Variants in RAD51B observed in about 807,000 individuals in gnomAD.
RAD51B encodes the protein DNA repair protein RAD51 homolog 2.
Under a neutral mutation model 42.2 loss-of-function variants are expected in RAD51B, and 38 were observed. The ratio of observed to expected loss-of-function variants is 0.90; its 90% CI spans 0.70 to 1.18. The LOEUF (loss-of-function observed/expected upper bound fraction) is 1.18. RAD51B is among the 50% of genes most tolerant of loss of function. RAD51B has a pLI of 0.00. For synonymous variants in RAD51B, 154 were observed against 145.2 expected, an observed-to-expected ratio of 1.06 and a Z score of -0.43; for missense variants, 373 against 400.7, an observed-to-expected ratio of 0.93 and a Z score of 0.59.
At chr14:68,322,850 C>G (rs1228860577) in intron 8 of RAD51B, among the ~76,000 whole-genome samples, 1 of 152,150 alleles carries the variant, frequency 6.6e-6, no homozygotes, top group Non-Finnish European at 1.5e-5. Flanking sequence ...GGAGGGCTGC[C>G]TACAAGCAGA....
In RAD51B at chr14:68,004,441, T is replaced by C. The variant is rs146502787; in HGVS notation, c.756+117237T>C. Among the ~76,000 whole-genome samples, 1,051 of 152,126 alleles carry C rather than the reference T, an allele frequency of 6.9e-3. 12 individuals are homozygous for C. The highest frequency in any genetic ancestry group is 0.024 in the African/African-American group (986 of 41,520). On this transcript the variant is annotated intron_variant, in intron 7 of 10. Transcript: ENST00000471583. ...TGTAGTACCGATTTTTCTTTCTAGATTATAGAAGAAGCTCAGCAGCTTTCT... is the reference window on the plus strand; with the variant it reads ...TGTAGTACCGATTTTTCTTTCTAGACTATAGAAGAAGCTCAGCAGCTTTCT...
chr14:68,354,481 G>A (rs1212375754), intron 8 of RAD51B, among the ~76,000 whole-genome samples: 1 of 151,930 alleles, frequency 6.6e-6, no homozygotes, highest in Non-Finnish European at 1.5e-5. Flanking sequence ...CCAAAGTGTT[G>A]GGATTACAGG....
intron 7 of RAD51B, among the ~76,000 whole-genome samples, chr14:68,139,395 G>A (rs1384117717): frequency 6.6e-6 from 1 of 152,110 alleles, no homozygotes; most frequent in Non-Finnish European, 1.5e-5. Context: ...CTCTTAAGAG[G>A]ACAGTTCTTT....
At chr14:68,086,994 G>A (rs1259760210) in intron 7 of RAD51B, among the ~76,000 whole-genome samples, 1 of 152,020 alleles carries the variant, frequency 6.6e-6, no homozygotes, top group African/African-American at 2.4e-5. Context: ...AATTAGCTGG[G>A]TGTGGTGGTG....
At chr14:68,612,829 G>T (rs137946784), downstream of RAD51B, among the ~76,000 whole-genome samples, 133 of 151,066 alleles carry the variant, frequency 8.8e-4, no homozygotes, top group African/African-American at 3.1e-3. Flanking sequence ...AAGGAAGGAA[G>T]GGAGGGAAGG....
chr14:67,954,667 ACTC>A (rs1278798289), intron 7 of RAD51B, among the ~76,000 whole-genome samples: 1 of 152,130 alleles, frequency 6.6e-6, no homozygotes, highest in Non-Finnish European at 1.5e-5. Flanking sequence ...AACACAGACT[ACTC>A]TTTCAAGGAT....
intron 10 of RAD51B, among the ~76,000 whole-genome samples, chr14:68,471,451 A>G (rs2086122761): frequency 6.6e-6 from 1 of 152,090 alleles, no homozygotes; most frequent in South Asian, 2.1e-4. Flanking sequence ...TCGATTTACC[A>G]GCTCCACAGG....
chr14:68,255,073 A>G (rs1325573709), intron 7 of RAD51B, among the ~76,000 whole-genome samples: 1 of 151,302 alleles, frequency 6.6e-6, no homozygotes, highest in Non-Finnish European at 1.5e-5. Context: ...TTTCTTTCAC[A>G]TGCTCCCTTT....
At chr14:68,343,289 C>T (rs918178897) in intron 8 of RAD51B, among the ~76,000 whole-genome samples, 2 of 152,146 alleles carry the variant, frequency 1.3e-5, no homozygotes, top group African/African-American at 4.8e-5. Flanking sequence ...TTCTCTCAAT[C>T]CAAAGGTTGT....
intron 7 of RAD51B, among the ~76,000 whole-genome samples, chr14:68,162,512 G>T (rs533942140): frequency 2.6e-5 from 4 of 152,306 alleles, no homozygotes; most frequent in Non-Finnish European, 4.4e-5. Context: ...GCTGCCGGGC[G>T]TAGTGGCTCA....
At chr14:67,821,742 G>A (rs8003646) in intron 1 of RAD51B, among the ~76,000 whole-genome samples, 2,386 of 152,170 alleles carry the variant, frequency 0.016, 49 homozygotes, top group African/African-American at 0.026. Flanking sequence ...GATTGTAGGC[G>A]TGAGCTACCT....
At chr14:68,326,027 C>CTTTTTTTTTTTTTTT (rs1156621815) in intron 8 of RAD51B, among the ~76,000 whole-genome samples, 1 of 51,636 alleles carries the variant, frequency 1.9e-5, no homozygotes. Context: ...TGTTGTTATT[C>CTTTTTTTTTTTTTTT]TTTTTCTTTT....
chr14:68,677,059 G>A (rs1893321318), intron 11 of RAD51B, among the ~76,000 whole-genome samples: 1 of 152,238 alleles, frequency 6.6e-6, no homozygotes, highest in African/African-American at 2.4e-5. Context: ...CCCTGTCATA[G>A]ATGAGGAAAC....
At chr14:68,503,014 C>A (rs1048158912) in intron 10 of RAD51B, among the ~76,000 whole-genome samples, 1 of 152,226 alleles carries the variant, frequency 6.6e-6, no homozygotes, top group African/African-American at 2.4e-5. Context: ...ACAGCCTCAG[C>A]CTACCCTGCC....
At chr14:68,055,859 T>C (rs1285300659) in intron 7 of RAD51B, among the ~76,000 whole-genome samples, 1 of 152,196 alleles carries the variant, frequency 6.6e-6, no homozygotes, top group East Asian at 1.9e-4. Flanking sequence ...AACGTGAGTT[T>C]TATATTCCAT....
intron 7 of RAD51B, among the ~76,000 whole-genome samples, chr14:68,120,667 G>A (rs781742570): frequency 2.0e-5 from 3 of 151,968 alleles, no homozygotes; most frequent in Non-Finnish European, 4.4e-5. Context: ...AACTGAGGGT[G>A]TCACCCTTTG....
At chr14:67,880,700 C>A (rs2042877872) in intron 5 of RAD51B, among the ~76,000 whole-genome samples, 1 of 152,064 alleles carries the variant, frequency 6.6e-6, no homozygotes, top group African/African-American at 2.4e-5. Flanking sequence ...GGTAATGGAT[C>A]TTTTCCTCTT....
chr14:67,895,725 A>G (rs999791131), intron 7 of RAD51B, among the ~76,000 whole-genome samples: 1 of 152,136 alleles, frequency 6.6e-6, no homozygotes, highest in African/African-American at 2.4e-5. Flanking sequence ...GATATGATAT[A>G]ATATTTAAAG....
At chr14:68,153,752 C>T (rs1488636300) in intron 7 of RAD51B, among the ~76,000 whole-genome samples, 1 of 151,904 alleles carries the variant, frequency 6.6e-6, no homozygotes, top group Admixed American at 6.6e-5. Context: ...TAGTTTTATG[C>T]CTCAAACTTT....
Sources: gnomAD v4.1 joint callset for allele counts (sites outside exome capture counted in the v4.1 genomes callset) on GRCh38, gnomAD v4.1.1 for gene constraint, MANE v1.5 for transcripts, NCBI Gene and HGNC (gene_info 2026-07-23, HGNC 2026-07-21) for gene names.